PHF12: variants seen among roughly 807,000 people sequenced by gnomAD.
PHF12 encodes PHD factor 1.
PHF12 carries 6 observed loss-of-function variants against 99.8 expected under a neutral mutation model. The ratio of observed to expected loss-of-function variants is 0.06; its 90% confidence interval spans 0.03 to 0.12. The LOEUF (loss-of-function observed/expected upper bound fraction) is 0.12, where lower values mean the gene tolerates loss of function less well. PHF12 is among the 10% of genes least tolerant of loss of function. The pLI is 1.00. For missense variants in PHF12, 954 were observed against 1,300.1 expected, an observed-to-expected ratio of 0.73 and a Z score of 4.09; for synonymous variants, 480 against 514.9, an observed-to-expected ratio of 0.93 and a Z score of 0.92.
In PHF12 at chr17:28,906,875, G is replaced by A. The variant is rs370859751; in HGVS notation, c.2661C>T (p.Ala887=). 2.2e-5 allele frequency: 35 copies of A among 1,607,320 alleles called. No individual in the cohort carries two copies. Among genetic ancestry groups the A allele is most frequent in the Non-Finnish European group, 2.7e-5 (32 of 1,176,986 alleles). The change falls in exon 14 of 15, where the codon GCC becomes GCT. Residue 887 remains alanine (A), a synonymous_variant. Transcript: ENST00000332830. This position sits in a 1 kb window ranked among gnomAD's most constrained non-coding sequence, Gnocchi z 4.2. ...ACTTACTGATGACACTCTGCACTTT[G>A]GCAACAATACTGCTTGGGGGGGTTG... ...TPPTPPSSIV[A]KVQSVIRRRR...
At position 28,906,961 on chromosome 17, in the gene PHF12, C is replaced by T. The variant is rs1377513510; in HGVS notation, c.2575G>A (p.Glu859Lys). The T allele has an allele frequency of 3.7e-6, 6 of 1,612,698 alleles. No individual in the cohort carries two copies. Among genetic ancestry groups the T allele is most frequent in the Non-Finnish European group, 5.1e-6 (6 of 1,179,440 alleles). ...TKHYELLNYSEHGTTVDNVLY... is the reference protein window; with the variant it reads ...TKHYELLNYSKHGTTVDNVLY... Reference sequence around the variant, plus strand: ...ACATTGTCCACCGTTGTCCCATGCTCACTGTAGTTTAACAGCTCATAATGT... The same window carrying T: ...ACATTGTCCACCGTTGTCCCATGCTTACTGTAGTTTAACAGCTCATAATGT... The change falls in exon 14 of 15, where the codon GAG (glutamate) becomes AAG (lysine). Residue 859 changes from glutamate to lysine, a missense_variant. Physicochemically the swap from Glu to Lys is moderately conservative, Grantham distance 56. Transcript: ENST00000332830. This position sits in a 1 kb window ranked among gnomAD's most constrained non-coding sequence, Gnocchi z 4.2.
In PHF12 at chr17:28,906,627, TAGGG is replaced by T; in HGVS notation, c.2681-114_2681-111del. 1 of 1,303,938 alleles carries T rather than the reference TAGGG, an allele frequency of 7.7e-7. No individual in the cohort carries two copies. The highest frequency in any genetic ancestry group is 1.0e-6 in the Non-Finnish European group (1 of 952,630). 80.8% of individuals were successfully genotyped at this position (1,303,938 alleles called of 1,614,324 possible). On this transcript the variant is annotated intron_variant, in intron 14 of 14. Coordinates refer to ENST00000332830, the MANE Select transcript of PHF12 (RefSeq NM_001033561.2). The surrounding 1 kb of genome is among the most constrained non-coding windows in gnomAD (Gnocchi z 4.2). ...CTCCCCATTCCAACTGCTGCATGAC[TAGGG>T]AGGAAGGATGCTCAGAAAGGGTTGG...
Position 28,949,239 on chromosome 17 carries a change from G to A in PHF12, c.248+826C>T, listed in dbSNP as rs2040766462. Among the ~76,000 whole-genome samples the A allele has an allele frequency of 1.3e-5, 2 of 152,182 alleles. No homozygotes were observed. Among genetic ancestry groups the A allele is most frequent in the Non-Finnish European group, 2.9e-5 (2 of 68,030 alleles). On this transcript the variant is annotated intron_variant, in intron 2 of 14. Coordinates refer to ENST00000332830, the MANE Select transcript of PHF12 (RefSeq NM_001033561.2). This position sits in a 1 kb window ranked among gnomAD's most constrained non-coding sequence, Gnocchi z 4.6. ...CGATCCGGAGCGGAGAAATGAAATCGGCGCCCAAGGGCAATTTTAATTGTC... is the reference window on the plus strand; with the variant it reads ...CGATCCGGAGCGGAGAAATGAAATCAGCGCCCAAGGGCAATTTTAATTGTC...
In PHF12 at chr17:28,912,513, G is replaced by A. The variant is rs1264991304; in HGVS notation, c.2058C>T (p.Asn686=). 1 of 1,606,954 alleles carries A rather than the reference G, an allele frequency of 6.2e-7. No homozygotes were observed. Among genetic ancestry groups the A allele is most frequent in the Non-Finnish European group, 8.5e-7 (1 of 1,174,446 alleles). ...ATGGCGCTGGTGAGCTGAATCGTTG[G>A]TTGGCTGTTGTGGCCAAGATACCAT... is the stretch of plus-strand genomic sequence containing the variant. The part of the protein sequence containing the change: ...AGDGILATTA[N]QRFSSPAPSS... Residue 686 remains asparagine, a synonymous_variant, in exon 9 of 15, where the codon AAC becomes AAT. Transcript: ENST00000332830.
chr17:28,907,596 G>A lies in PHF12; in HGVS notation c.2535C>T (p.Tyr845=). 1.2e-6 allele frequency: 2 copies of A among 1,613,872 alleles called. No homozygotes were observed. The highest frequency in any genetic ancestry group is 1.7e-6 in the Non-Finnish European group (2 of 1,179,844). The part of the protein sequence containing the change: ...YVSGKHACIF[Y]DENTKHYELL... ...CCGCATCTCCGGCCCTCACCTCATC[G>A]TAGAATATGCAGGCATGTTTCCCGG... Residue 845 remains tyrosine (Y), a synonymous_variant, in exon 13 of 15, where the codon TAC becomes TAT. Transcript: ENST00000332830.
rs2040803913 is a variant in PHF12 at position 28,951,106 on chromosome 17, AC to A, written c.-147del. On this transcript the variant is annotated 5_prime_UTR_variant, in exon 1 of 15. Transcript: ENST00000332830. ...GACTTCCTCGCCCTGGCTCCCCCCC[AC>A]CCCCCGGCCCCCAGTCCCCGGGACG... is the stretch of plus-strand genomic sequence containing the variant. The A allele has an allele frequency of 8.1e-6, 9 of 1,115,682 alleles. No homozygotes were observed. Among genetic ancestry groups the A allele is most frequent in the East Asian group, 5.5e-5 (2 of 36,424 alleles). The allele number at this position is 1,115,682 out of a possible 1,614,324, so 69.1% of individuals were successfully genotyped here.
In PHF12 at chr17:28,950,782, A is replaced by C; in HGVS notation, c.66+113T>G. On this transcript the variant is annotated intron_variant, in intron 1 of 14. Coordinates refer to ENST00000332830, the MANE Select transcript of PHF12 (RefSeq NM_001033561.2). The surrounding 1 kb of genome is among the most constrained non-coding windows in gnomAD (Gnocchi z 5.7). Reference sequence around the variant, plus strand: ...GGAGGGAGAGGCTAGGTGAGGAAGAATCCCCCTCCCTCGGCCATCTAGGCG... The same window carrying C: ...GGAGGGAGAGGCTAGGTGAGGAAGACTCCCCCTCCCTCGGCCATCTAGGCG... 1 of 1,437,470 alleles carries C rather than the reference A, an allele frequency of 7.0e-7. No individual in the cohort carries two copies. The highest frequency in any genetic ancestry group is 1.4e-5 in the South Asian group (1 of 73,808). 89.0% of individuals were successfully genotyped at this position (1,437,470 alleles called of 1,614,324 possible).
At chr17:28,944,728 A>ATAAG (rs1377729592) in intron 2 of PHF12, 1 of 155,288 alleles carries the variant, frequency 6.4e-6, no homozygotes, top group Admixed American at 6.5e-5. Context: ...AAATAAATAA[A>ATAAG]TAAAATAAAC....
chr17:28,919,292 T>C lies in PHF12; in HGVS notation c.837-17A>G, dbSNP rs760375217. ...CGGCAACTCCTGCAAAAAAGAGATGTTGGCCATTTCTGTGGCAAGAAAAGG... is the reference window on the plus strand; with the variant it reads ...CGGCAACTCCTGCAAAAAAGAGATGCTGGCCATTTCTGTGGCAAGAAAAGG... On this transcript the variant is annotated splice_polypyrimidine_tract_variant and intron_variant, in intron 5 of 14. Transcript: ENST00000332830. The C allele has an allele frequency of 2.5e-5, 40 of 1,611,020 alleles. No individual in the cohort carries two copies. Among genetic ancestry groups the C allele is most frequent in the East Asian group, 1.1e-4 (5 of 44,798 alleles).
At position 28,906,817 on chromosome 17, in the gene PHF12, G is replaced by A. The variant is rs928809309; in HGVS notation, c.2680+39C>T. ...GCAAGTCAGAACCACCCTGACTGGG[G>A]CCTCAGCTTTGTGGCCACAGATCTC... is the stretch of plus-strand genomic sequence containing the variant. On this transcript the variant is annotated intron_variant, in intron 14 of 14. Transcript: ENST00000332830. This position sits in a 1 kb window ranked among gnomAD's most constrained non-coding sequence, Gnocchi z 4.2. The A allele has an allele frequency of 1.9e-6, 3 of 1,564,122 alleles. No individual in the cohort carries two copies. Among genetic ancestry groups the A allele is most frequent in the East Asian group, 2.3e-5 (1 of 44,436 alleles).
chr17:28,932,763 T>G (rs149151715), intron 2 of PHF12, among the ~76,000 whole-genome samples: 2,479 of 152,176 alleles, frequency 0.016, 59 homozygotes, highest in African/African-American at 0.056. Context: ...CTGGCCAACA[T>G]GGCAAAACCC....
rs757316429 is a variant in PHF12 at position 28,911,155 on chromosome 17, C to G, written c.2172G>C (p.Val724=). 4.3e-6 allele frequency: 7 copies of G among 1,614,044 alleles called. No individual in the cohort carries two copies. The African/African-American group carries it at 8.0e-5, about 18-fold the overall frequency. Residue 724 remains valine, a synonymous_variant, in exon 10 of 15, where the codon GTG becomes GTC. Transcript: ENST00000332830. ...ATGCTCGAAGTGAGTTGGTGAGGTC[C>G]ACCATGGCAGTAGAGTTGGCTGGGA... ...PSFPANSTAM[V]DLTNSLRAFM... is the part of the protein sequence containing the mutation.
At chr17:28,932,942 A>C (rs936578909) in intron 2 of PHF12, among the ~76,000 whole-genome samples, 1 of 152,068 alleles carries the variant, frequency 6.6e-6, no homozygotes, top group Non-Finnish European at 1.5e-5. Context: ...GATTCTTCCC[A>C]AAAACAAAAA....
Position 28,910,360 on chromosome 17 carries a change from A to G in PHF12, c.2225T>C (p.Ile742Thr). Residue 742 changes from isoleucine (I) to threonine (T), a missense_variant, in exon 11 of 15, where the codon ATA becomes ACA. This residue lies in a region of PHF12 where 143 missense variants were observed against 191.8 expected (regional missense o/e 0.75). Transcript: ENST00000332830. Reference protein sequence around the residue: ...AFMDVNGEIEINMLDEKLIKF... With the variant: ...AFMDVNGEIETNMLDEKLIKF... ...GATCAGCTTCTCGTCCAGCATATTT[A>G]TCTCGATTTCTATTAGCCAAAGAGA... 5 of 1,611,452 alleles carry G rather than the reference A, an allele frequency of 3.1e-6. No homozygotes were observed. The highest frequency in any genetic ancestry group is 4.2e-6 in the Non-Finnish European group (5 of 1,178,164).
At chr17:28,948,759 TAA>T (rs1384171717) in intron 2 of PHF12, among the ~76,000 whole-genome samples, 1 of 151,790 alleles carries the variant, frequency 6.6e-6, no homozygotes, top group East Asian at 1.9e-4. Context: ...TAAAACAAAA[TAA>T]AAAGAGGGCT....
At chr17:28,945,456 C>A (rs1043297238) in intron 2 of PHF12, 6 of 152,152 alleles carry the variant, frequency 3.9e-5, no homozygotes, top group Admixed American at 1.3e-4. Flanking sequence ...GCCAACAATT[C>A]CAAATATAAC....
At chr17:28,909,134 G>T (rs903283507) in intron 11 of PHF12, 3 of 440,664 alleles carry the variant, frequency 6.8e-6, no homozygotes, top group Non-Finnish European at 1.2e-5. Context: ...ACAGTACTGT[G>T]TAAGTTCCTG....
chr17:28,911,925 G>A (rs969141816), intron 9 of PHF12, among the ~76,000 whole-genome samples: 22 of 152,244 alleles, frequency 1.4e-4, no homozygotes, highest in African/African-American at 5.1e-4. Context: ...CTGAGGGCAC[G>A]CTTCTGGGCT....
intron 2 of PHF12, among the ~76,000 whole-genome samples, chr17:28,946,626 T>C (rs984844309): frequency 6.6e-6 from 1 of 152,220 alleles, no homozygotes; most frequent in African/African-American, 2.4e-5. Context: ...AAAAGACTTA[T>C]CCCACAGAGC....
Sources: gnomAD v4.1 joint callset for allele counts (sites outside exome capture counted in the v4.1 genomes callset) on GRCh38, gnomAD v4.1.1 for gene constraint, gnomAD v4.1.1 regional missense constraint, Gnocchi (gnomAD v3.1) non-coding constraint, MANE v1.5 for transcripts, NCBI Gene and HGNC (gene_info 2026-07-23, HGNC 2026-07-21) for gene names.